Variants in PCSK6 observed in about 807,000 individuals in gnomAD.
The protein encoded by PCSK6 is paired basic amino acid cleaving enzyme 4.
In PCSK6, 85 loss-of-function variants were observed where a neutral mutation model predicts 123.3. That is an observed-to-expected ratio of 0.69 (90% CI 0.58 to 0.83). The LOEUF (loss-of-function observed/expected upper bound fraction) is 0.83, where lower values mean the gene tolerates loss of function less well. Ranked by LOEUF, PCSK6 falls within the 40% of genes least tolerant of loss-of-function variation. PCSK6 has a pLI of 0.00. For synonymous variants in PCSK6, 508 were observed against 516.0 expected (o/e 0.98, Z 0.21); for missense variants, 1,191 against 1,282.3 (o/e 0.93, Z 1.09).
chr15:101,424,258 T>C (rs1302322663), intron 6 of PCSK6, among the ~76,000 whole-genome samples: 1 of 147,026 alleles, frequency 6.8e-6, no homozygotes, highest in Non-Finnish European at 1.5e-5. Flanking sequence ...AAAGGAGCCA[T>C]AGGAACAAAT....
chr15:101,355,713 T>C (rs1300978737), intron 13 of PCSK6, among the ~76,000 whole-genome samples: 1 of 152,254 alleles, frequency 6.6e-6, no homozygotes, highest in Non-Finnish European at 1.5e-5. Context: ...GCACTTTGCA[T>C]GCATCCGGCA....
At position 101,335,939 on chromosome 15, in the gene PCSK6, G is replaced by A. The variant is rs145580393; in HGVS notation, c.1859-3908C>T. ...GCTGTATGGAATACTGTAGGCAACT[G>A]TAACACAATGATAAGTGTTTGTGTA... is the stretch of plus-strand genomic sequence containing the variant. On this transcript the variant is annotated intron_variant, in intron 13 of 21. Coordinates refer to ENST00000611716, the MANE Select transcript of PCSK6 (RefSeq NM_002570.5). Among the ~76,000 whole-genome samples, 219 of 152,332 alleles carry A rather than the reference G, an allele frequency of 1.4e-3. 2 individuals are homozygous for A. The highest frequency in any genetic ancestry group is 5.0e-3 in the African/African-American group (208 of 41,576).
chr15:101,318,254 G>A (rs533551912), intron 19 of PCSK6, 65 bp downstream of exon 19: 2 of 1,226,074 alleles, frequency 1.6e-6, no homozygotes, highest in South Asian at 2.6e-5. Flanking sequence ...GCTTTCTCGG[G>A]TTCAAGGCAG....
chr15:101,408,716 G>A (rs1199867370), intron 6 of PCSK6, among the ~76,000 whole-genome samples: 1 of 152,164 alleles, frequency 6.6e-6, no homozygotes, highest in Admixed American at 6.5e-5. Flanking sequence ...AATGCGCTGG[G>A]AACCTTTGAA....
chr15:101,439,500 C>T (rs143039411), intron 2 of PCSK6, among the ~76,000 whole-genome samples: 29 of 152,242 alleles, frequency 1.9e-4, no homozygotes, highest in Admixed American at 1.0e-3. Flanking sequence ...ACCGTCCCCA[C>T]GTGGGCAAAT....
chr15:101,466,347 C>T (rs796641660), intron 1 of PCSK6, among the ~76,000 whole-genome samples: 36 of 152,256 alleles, frequency 2.4e-4, no homozygotes, highest in African/African-American at 7.5e-4. Flanking sequence ...GAAAAAAAGA[C>T]GCATCATCAC....
chr15:101,386,355 G>A (rs142254012), intron 9 of PCSK6, among the ~76,000 whole-genome samples: 135 of 152,202 alleles, frequency 8.9e-4, no homozygotes, highest in African/African-American at 1.5e-3. Context: ...GTGGGTGTGC[G>A]AAGACGTACA....
intron 12 of PCSK6, among the ~76,000 whole-genome samples, chr15:101,368,993 C>T (rs2041490828): frequency 6.6e-6 from 1 of 152,226 alleles, no homozygotes. Flanking sequence ...ACAGCACGGC[C>T]GGGCCTCCCG....
chr15:101,489,164 C>CCT (rs2058095742), intron 1 of PCSK6, among the ~76,000 whole-genome samples: 1 of 88,532 alleles, frequency 1.1e-5, no homozygotes, highest in Admixed American at 9.5e-5. Context: ...CCCAGTCCCC[C>CCT]CCACCCCGCC....
chr15:101,345,393 T>C (rs1384985353), intron 13 of PCSK6, among the ~76,000 whole-genome samples: 1 of 152,190 alleles, frequency 6.6e-6, no homozygotes, highest in African/African-American at 2.4e-5. Flanking sequence ...CACTAATATT[T>C]AGACTGAAAA....
chr15:101,362,616 G>C (rs1258166810), intron 13 of PCSK6, among the ~76,000 whole-genome samples: 2 of 152,148 alleles, frequency 1.3e-5, no homozygotes, highest in African/African-American at 4.8e-5. Flanking sequence ...TTCTAGAGGG[G>C]GTGAGCTGCC....
chr15:101,311,161 G>A (rs1249193960), intron 20 of PCSK6, among the ~76,000 whole-genome samples: 1 of 151,972 alleles, frequency 6.6e-6, no homozygotes, highest in Non-Finnish European at 1.5e-5. Flanking sequence ...GCTCATGCTG[G>A]AGTGCATGGT....
chr15:101,416,055 C>T (rs548130706), intron 6 of PCSK6, among the ~76,000 whole-genome samples: 1 of 152,318 alleles, frequency 6.6e-6, no homozygotes, highest in Admixed American at 6.5e-5. Flanking sequence ...AACTGGGTAA[C>T]AGGCAGAGGC....
In PCSK6 at chr15:101,322,593, G is replaced by A. The variant is rs748680165; in HGVS notation, c.2392C>T (p.Leu798Phe). 2 of 1,612,106 alleles carry A rather than the reference G, an allele frequency of 1.2e-6. No individual in the cohort carries two copies. The highest frequency in any genetic ancestry group is 4.5e-5 in the East Asian group (2 of 44,878). The change falls in exon 18 of 22, where the codon CTT (leucine) becomes TTT (phenylalanine). Residue 798 changes from leucine (L) to phenylalanine (F), a missense_variant. Transcript: ENST00000611716. ...FYADESQKNC[L>F]KCHPSCKKCV... The stretch of plus-strand genomic sequence containing the variant: ...TTTTTACAGCTTGGGTGGCATTTAA[G>A]GCAATTTTTCTGACCTGGAGAAAAA...
intron 1 of PCSK6, among the ~76,000 whole-genome samples, chr15:101,465,269 A>T (rs373618629): frequency 6.6e-6 from 1 of 152,258 alleles, no homozygotes; most frequent in African/African-American, 2.4e-5. Flanking sequence ...ACAGGGACAC[A>T]CGCTGACCTC....
At chr15:101,369,341 T>A (rs891567482) in intron 12 of PCSK6, among the ~76,000 whole-genome samples, 1 of 152,236 alleles carries the variant, frequency 6.6e-6, no homozygotes, top group Non-Finnish European at 1.5e-5. Context: ...CCTGGTTCCA[T>A]CTGAGAGCCT....
At chr15:101,452,618 G>A (rs2057063949) in intron 1 of PCSK6, among the ~76,000 whole-genome samples, 1 of 152,144 alleles carries the variant, frequency 6.6e-6, no homozygotes, top group Non-Finnish European at 1.5e-5. Flanking sequence ...TGAGGAGGGC[G>A]CTCACATGGG....
intron 6 of PCSK6, among the ~76,000 whole-genome samples, chr15:101,405,622 T>C (rs981523744): frequency 6.6e-6 from 1 of 152,040 alleles, no homozygotes. Context: ...AACCCAATAA[T>C]ATTTTAAATG....
At chr15:101,371,774 C>G (rs1053950873) in intron 11 of PCSK6, among the ~76,000 whole-genome samples, 10 of 152,216 alleles carry the variant, frequency 6.6e-5, no homozygotes, top group African/African-American at 2.4e-4. Context: ...GACCCACAGT[C>G]AAGGACACAG....
Sources: gnomAD v4.1 joint callset for allele counts (sites outside exome capture counted in the v4.1 genomes callset) on GRCh38, gnomAD v4.1.1 for gene constraint, MANE v1.5 for transcripts, NCBI Gene and HGNC (gene_info 2026-07-23, HGNC 2026-07-21) for gene names.